DLGAP3: variants seen among roughly 807,000 people sequenced by gnomAD.
DLGAP3 encodes the protein disks large-associated protein 3.
Under a neutral mutation model 81.2 loss-of-function variants are expected in DLGAP3, and 17 were observed. That is an observed-to-expected ratio of 0.21 (90% CI 0.14 to 0.31). The LOEUF (loss-of-function observed/expected upper bound fraction) is 0.31, where lower values mean the gene tolerates loss of function less well. Among genes scored for constraint, DLGAP3 ranks in the 10% least tolerant of loss-of-function variants. The pLI is 1.00. For synonymous variants in DLGAP3, 577 were observed against 587.4 expected (o/e 0.98, Z 0.26); for missense variants, 1,124 against 1,388.0 (o/e 0.81, Z 3.02).
Position 34,868,637 on chromosome 1 carries a change from C to A in DLGAP3, c.2453G>T (p.Arg818Leu), listed in dbSNP as rs151019955. 3.1e-6 allele frequency: 5 copies of A among 1,613,098 alleles called. No individual in the cohort carries two copies. Among genetic ancestry groups the A allele is most frequent in the Non-Finnish European group, 4.2e-6 (5 of 1,180,010 alleles). The change falls in exon 9 of 12, where the codon CGT (arginine) becomes CTT (leucine). Residue 818 changes from arginine (R) to leucine (L), a missense_variant. Physicochemically the swap from Arg to Leu is moderately radical, Grantham distance 102. Coordinates refer to ENST00000373347, the MANE Select transcript of DLGAP3 (RefSeq NM_001080418.3). This position sits in a 1 kb window ranked among gnomAD's most constrained non-coding sequence, Gnocchi z 7.5. The part of the protein sequence containing the change: ...KLEHWCQQME[R>L]EAEDYELPEE... ...GGGTAGCTCATAGTCCTCCGCCTCACGCTCCATCTGCTGGCACCAGTGCTC... is the reference window on the plus strand; with the variant it reads ...GGGTAGCTCATAGTCCTCCGCCTCAAGCTCCATCTGCTGGCACCAGTGCTC...
rs1416911659 is a variant in DLGAP3 at position 34,904,811 on chromosome 1, C to T, written c.573G>A (p.Gly191=). The change falls in exon 3 of 12, where the codon GGG becomes GGA. Residue 191 remains glycine, a synonymous_variant. Transcript: ENST00000373347. This position sits in a 1 kb window ranked among gnomAD's most constrained non-coding sequence, Gnocchi z 8.1. ...FAKSHSLEAP[G]KRDYNGPKAE... is the part of the protein sequence containing the mutation. ...CCTTGGGCCCATTATAGTCCCGCTT[C>T]CCCGGCGCCTCCAGAGAGTGGGACT... is the stretch of plus-strand genomic sequence containing the variant. 6.2e-7 allele frequency: 1 copy of T among 1,610,286 alleles called. No homozygotes were observed. The highest frequency in any genetic ancestry group is 8.5e-7 in the Non-Finnish European group (1 of 1,179,998).
chr1:34,881,367 G>A (rs1639141876), intron 8 of DLGAP3, among the ~76,000 whole-genome samples: 1 of 152,174 alleles, frequency 6.6e-6, no homozygotes, highest in African/African-American at 2.4e-5. Flanking sequence ...CTTGCAGCTA[G>A]GTGCCACCAT....
At chr1:34,916,594 T>C (rs1049076083) in intron 1 of DLGAP3, among the ~76,000 whole-genome samples, 1 of 152,244 alleles carries the variant, frequency 6.6e-6, no homozygotes, top group Non-Finnish European at 1.5e-5. Flanking sequence ...GATTTGAATC[T>C]GAGTCTGGGT....
chr1:34,927,689 C>T (rs1639895295), intron 1 of DLGAP3, among the ~76,000 whole-genome samples: 3 of 151,874 alleles, frequency 2.0e-5, no homozygotes, highest in Admixed American at 6.6e-5. Flanking sequence ...CCTCCCTCCT[C>T]TCTTCTCCCC....
At chr1:34,882,339 G>C (rs1012873920) in intron 8 of DLGAP3, among the ~76,000 whole-genome samples, 2 of 152,072 alleles carry the variant, frequency 1.3e-5, no homozygotes, top group Non-Finnish European at 2.9e-5. Context: ...CTAGCCAGGC[G>C]TGGTGGCGGG....
chr1:34,885,830 C>G, intron 6 of DLGAP3, 39 bp from the exon 7 acceptor site: 1 of 1,380,148 alleles, frequency 7.2e-7, no homozygotes, highest in Non-Finnish European at 9.4e-7. Flanking sequence ...GGGTGAGGCT[C>G]GCGGCCCTGC....
In DLGAP3 at chr1:34,924,763, GGAACT is replaced by G. The variant is rs1376861585; in HGVS notation, c.-135+4683_-135+4687del. 4.6e-5 allele frequency among the ~76,000 whole-genome samples: 7 copies of G among 152,320 alleles called. No individual in the cohort carries two copies. The East Asian group carries it at 1.3e-3, about 29-fold the overall frequency. On this transcript the variant is annotated intron_variant, in intron 1 of 11. Coordinates refer to ENST00000373347, the MANE Select transcript of DLGAP3 (RefSeq NM_001080418.3). ...TACAATGGTTTTGGAAGGGAGAGAG[GGAACT>G]GAAACAGCAAAAGGGGAGAGGGGCC...
Position 34,921,121 on chromosome 1 carries a change from C to T in DLGAP3, c.-135+8330G>A, listed in dbSNP as rs1243044113. Among the ~76,000 whole-genome samples the T allele has an allele frequency of 5.9e-5, 9 of 152,150 alleles. 1 individual carries two copies. The highest frequency in any genetic ancestry group is 4.1e-4 in the South Asian group (2 of 4,832). ...TTTTATGAAACAGAAAAGAAACCCA[C>T]GTAGGAGTGGCCCCTGAGATCCAGG... On this transcript the variant is annotated intron_variant, in intron 1 of 11. Coordinates refer to ENST00000373347, the MANE Select transcript of DLGAP3 (RefSeq NM_001080418.3).
chr1:34,885,646 G>C lies in DLGAP3; in HGVS notation c.1746C>G (p.Ala582=), dbSNP rs1474152027. ...AEGPARRCSS[A]DGLDGPAMGA... The stretch of plus-strand genomic sequence containing the variant: ...CCATGGCGGGGCCGTCCAGCCCGTC[G>C]GCGGAGCTGCAGCGCCGGGCGGGGC... Residue 582 remains alanine (A), a synonymous_variant, in exon 7 of 12, where the codon GCC becomes GCG. Coordinates refer to ENST00000373347, the MANE Select transcript of DLGAP3 (RefSeq NM_001080418.3). 6 of 1,476,390 alleles carry C rather than the reference G, an allele frequency of 4.1e-6. No individual in the cohort carries two copies. Among genetic ancestry groups the C allele is most frequent in the African/African-American group, 1.4e-5 (1 of 69,412 alleles). 91.5% of individuals were successfully genotyped at this position (1,476,390 alleles called of 1,614,324 possible). A position where few individuals can be genotyped will look rare whatever the true frequency, so the allele number is the denominator to read the frequency against.
chr1:34,893,877 C>T (rs1479922184), intron 5 of DLGAP3, among the ~76,000 whole-genome samples: 1 of 152,038 alleles, frequency 6.6e-6, no homozygotes, highest in Non-Finnish European at 1.5e-5. Context: ...ACAGTCCAAC[C>T]ACATCAATAA....
At chr1:34,901,784 G>C (rs956409170) in intron 3 of DLGAP3, among the ~76,000 whole-genome samples, 3 of 152,258 alleles carry the variant, frequency 2.0e-5, no homozygotes, top group African/African-American at 4.8e-5. Flanking sequence ...GGGAAGTGAA[G>C]AGTAGGTGTC....
At chr1:34,901,537 C>T (rs1352827411) in intron 3 of DLGAP3, among the ~76,000 whole-genome samples, 1 of 152,302 alleles carries the variant, frequency 6.6e-6, no homozygotes, top group East Asian at 1.9e-4. Context: ...GTGTCAGTTT[C>T]CTTGTCTGCG....
rs768775971 is a variant in DLGAP3, at chr1:34,905,397, G to T, written c.-14C>A. On this transcript the variant is annotated 5_prime_UTR_variant, in exon 3 of 12. Coordinates refer to ENST00000373347, the MANE Select transcript of DLGAP3 (RefSeq NM_001080418.3). ...GTAACCCCTCATGGCCTCAGCAAAG[G>T]CTCTTCATAGTCTTGGGGGCCAGGC... is the stretch of plus-strand genomic sequence containing the variant. 13 of 1,548,422 alleles carry T rather than the reference G, an allele frequency of 8.4e-6. No homozygotes were observed. The South Asian group carries it at 1.4e-4, about 17-fold the overall frequency.
chr1:34,871,319 C>T (rs925684643), intron 8 of DLGAP3, among the ~76,000 whole-genome samples: 13 of 152,224 alleles, frequency 8.5e-5, no homozygotes, highest in African/African-American at 2.4e-4. Flanking sequence ...CCTTTGCACA[C>T]GCTACTCCTC....
intron 11 of DLGAP3, 87 bp downstream of exon 11, chr1:34,866,961 C>A: frequency 1.3e-6 from 2 of 1,485,528 alleles, no homozygotes; most frequent in Non-Finnish European, 1.9e-6. Context: ...CCTTCCCCTG[C>A]CCCCTTGTTC....
intron 8 of DLGAP3, among the ~76,000 whole-genome samples, chr1:34,878,617 C>CA (rs1482824650): frequency 8.5e-5 from 13 of 152,078 alleles, no homozygotes; most frequent in African/African-American, 3.1e-4. Context: ...GACATATCCA[C>CA]AATCATGGTG....
chr1:34,883,556 C>T (rs1197356552), intron 8 of DLGAP3, among the ~76,000 whole-genome samples: 1 of 152,212 alleles, frequency 6.6e-6, no homozygotes, highest in Non-Finnish European at 1.5e-5. Context: ...CCTACCCCAT[C>T]TCTCAATAAT....
rs997733103 is a variant in DLGAP3 at position 34,867,077 on chromosome 1, C to T, written c.2692G>A (p.Ala898Thr). 5 of 1,614,132 alleles carry T rather than the reference C, an allele frequency of 3.1e-6. No homozygotes were observed. Among genetic ancestry groups the T allele is most frequent in the Non-Finnish European group, 4.2e-6 (5 of 1,179,992 alleles). ...LKFLELQQLK[A>T]NSWKLLEPKE... ...GGCTCCAGGAGTTTCCAGCTGTTGG[C>T]CTTGAGTTGCTGTAGCTCCAGGAAC... is the stretch of plus-strand genomic sequence containing the variant. Residue 898 changes from alanine (A) to threonine (T), a missense_variant, in exon 11 of 12, where the codon GCC becomes ACC. Transcript: ENST00000373347. This position sits in a 1 kb window ranked among gnomAD's most constrained non-coding sequence, Gnocchi z 4.3.
In DLGAP3 at chr1:34,885,711, T is replaced by G; in HGVS notation, c.1681A>C (p.Ser561Arg). 3.5e-6 allele frequency: 5 copies of G among 1,419,110 alleles called. No homozygotes were observed. The highest frequency in any genetic ancestry group is 4.6e-6 in the Non-Finnish European group (5 of 1,095,544). The allele number at this position is 1,419,110 out of a possible 1,614,324, so 87.9% of individuals were successfully genotyped here. ...AAGCTCTCGTGCGCGGAGTCGGTGC[T>G]GCTCTGGGCGGTGATGGAGATGCGG... is the stretch of plus-strand genomic sequence containing the variant. ...PPRISITAQSSTDSAHESFTA... is the reference protein window; with the variant it reads ...PPRISITAQSRTDSAHESFTA... Residue 561 changes from serine to arginine, a missense_variant, in exon 7 of 12, where the codon AGC becomes CGC. Ser to Arg is a moderately radical substitution (Grantham distance 110, BLOSUM62 -1). Coordinates refer to ENST00000373347, the MANE Select transcript of DLGAP3 (RefSeq NM_001080418.3).
Sources: allele counts gnomAD v4.1 joint callset (sites outside exome capture counted in the v4.1 genomes callset), GRCh38; gene constraint gnomAD v4.1.1; non-coding constraint Gnocchi (gnomAD v3.1); transcripts MANE v1.5; gene names NCBI Gene and HGNC (gene_info 2026-07-23, HGNC 2026-07-21).